Variants in OR6K6 observed in about 807,000 individuals in gnomAD.
The protein encoded by OR6K6 is olfactory receptor family 6 subfamily K member 6.
OR6K6 carries 9 observed loss-of-function variants against 8.1 expected under a neutral mutation model. The observed-to-expected ratio is 1.11, with a 90% confidence interval of 0.67 to 1.94. The LOEUF is 1.94. OR6K6 is among the 30% of genes most tolerant of loss of function. OR6K6 has a pLI of 0.00. For synonymous variants in OR6K6, 156 were observed against 140.3 expected, an observed-to-expected ratio of 1.11 and a Z score of -0.79; for missense variants, 400 against 383.1, an observed-to-expected ratio of 1.04 and a Z score of -0.37.
exon 1 of OR6K6, chr1:158,755,704 T>C (rs769923010): frequency 1.9e-6 from 3 of 1,614,094 alleles, no homozygotes; most frequent in African/African-American, 1.3e-5. Context: ...CTCAGTGTTT[T>C]GGGACACAGC....
At chr1:158,755,424 C>T (rs776420581) in exon 1 of OR6K6, 93 of 1,614,088 alleles carry the variant, frequency 5.8e-5, no homozygotes, top group Admixed American at 2.8e-4. Context: ...ACCAGATCCA[C>T]CAGATATTCT....
exon 1 of OR6K6, chr1:158,755,053 G>A (rs1265998303): frequency 1.2e-6 from 2 of 1,613,950 alleles, no homozygotes; most frequent in South Asian, 2.2e-5. Flanking sequence ...CATCCAGGTG[G>A]GCATGGCCCT....
chr1:158,755,328 G>A, exon 1 of OR6K6: 1 of 1,614,166 alleles, frequency 6.2e-7, no homozygotes, highest in Non-Finnish European at 8.5e-7. Flanking sequence ...TTTGTATCCA[G>A]CTGACAGTTG....
exon 1 of OR6K6, chr1:158,755,881 G>C: frequency 6.8e-7 from 1 of 1,461,134 alleles, no homozygotes; most frequent in Non-Finnish European, 9.3e-7. Context: ...AAGCCTCTTG[G>C]AAGAGCAAAA....
exon 1 of OR6K6, chr1:158,755,396 T>C (rs771191968): frequency 1.2e-6 from 2 of 1,614,224 alleles, no homozygotes; most frequent in Admixed American, 1.7e-5. Context: ...ATTTCCACCT[T>C]GCCTTTCTGT....
chr1:158,755,400 T>C (rs1472410573), exon 1 of OR6K6: 1 of 1,614,218 alleles, frequency 6.2e-7, no homozygotes, highest in South Asian at 1.1e-5. Context: ...CCACCTTGCC[T>C]TTCTGTGGCT....
chr1:158,754,968 T>C (rs768485310), exon 1 of OR6K6: 1 of 1,614,108 alleles, frequency 6.2e-7, no homozygotes, highest in Non-Finnish European at 8.5e-7. Context: ...CGCACAGAGG[T>C]GGCCTCTTAT....
At chr1:158,755,781 G>C in exon 1 of OR6K6, 1 of 1,613,966 alleles carries the variant, frequency 6.2e-7, no homozygotes. Context: ...TGAAAAACAA[G>C]GACATGAAAG....
At chr1:158,755,826 G>A (rs574941449) in exon 1 of OR6K6, 139 of 1,602,690 alleles carry the variant, frequency 8.7e-5, no homozygotes, top group Non-Finnish European at 1.1e-4. Context: ...ATCAGAAGAG[G>A]GCTGGTTGGG....
At chr1:158,754,731 G>T in exon 1 of OR6K6, 2 of 1,014,066 alleles carry the variant, frequency 2.0e-6, no homozygotes, top group South Asian at 1.6e-5. Context: ...AGATGATTTT[G>T]GCATGGAGGT....
chr1:158,755,813 A>G, exon 1 of OR6K6: 1 of 1,612,104 alleles, frequency 6.2e-7, no homozygotes, highest in Non-Finnish European at 8.5e-7. Context: ...AGGCTTTTCC[A>G]CTATCAGAAG....
At chr1:158,755,281 A>C (rs1247521604) in exon 1 of OR6K6, 1 of 1,614,066 alleles carries the variant, frequency 6.2e-7, no homozygotes, top group African/African-American at 1.3e-5. Flanking sequence ...AGCTATCTGC[A>C]ATCCACTCCG....
exon 1 of OR6K6, chr1:158,755,313 C>T (rs1411484002): frequency 6.8e-6 from 11 of 1,614,142 alleles, no homozygotes; most frequent in Non-Finnish European, 8.5e-6. Context: ...TCATGATTCC[C>T]AAACTTTGTA....
At chr1:158,755,315 A>C (rs761492592) in exon 1 of OR6K6, 1 of 1,614,044 alleles carries the variant, frequency 6.2e-7, no homozygotes, top group East Asian at 2.2e-5. Context: ...ATGATTCCCA[A>C]ACTTTGTATC....
exon 1 of OR6K6, chr1:158,754,841 A>T: frequency 6.2e-7 from 1 of 1,611,808 alleles, no homozygotes; most frequent in Non-Finnish European, 8.5e-7. Context: ...GTGGGTAATC[A>T]ACATTCCAAT....
At chr1:158,755,295 C>T in exon 1 of OR6K6, 2 of 1,614,126 alleles carry the variant, frequency 1.2e-6, no homozygotes, top group Non-Finnish European at 1.7e-6. Flanking sequence ...CACTCCGTTA[C>T]CCAACCATCA....
chr1:158,755,212 C>T (rs758945972), exon 1 of OR6K6: 2 of 1,614,056 alleles, frequency 1.2e-6, no homozygotes, highest in Non-Finnish European at 1.7e-6. Context: ...GTACTTTTTC[C>T]ACTCACTTGG....
rs746721988 is a variant in OR6K6, at chr1:158,755,699, TGTTTTGGGACACA to T, written c.814_826del (p.Phe272GlnfsTer20). The stretch of plus-strand genomic sequence containing the variant: ...TTGAGATTCTCAGCCACCTACTCAG[TGTTTTGGGACACA>T]GCAATTGCTGTCACTTTTGTTATCC... On this transcript the variant is annotated frameshift_variant, in exon 1 of 1. Coordinates refer to ENST00000641861, the Ensembl canonical transcript of OR6K6. LOFTEE classifies it low-confidence loss of function (END_TRUNC). 3 of 1,614,088 alleles carry T rather than the reference TGTTTTGGGACACA, an allele frequency of 1.9e-6. No individual in the cohort carries two copies. The highest frequency in any genetic ancestry group is 2.5e-6 in the Non-Finnish European group (3 of 1,180,036).
exon 1 of OR6K6, chr1:158,755,594 G>T: frequency 3.7e-6 from 6 of 1,614,132 alleles, no homozygotes; most frequent in African/African-American, 1.3e-5. Context: ...TCAGCTGAAG[G>T]TCATCACAAG....
Sources: allele counts gnomAD v4.1 joint callset, GRCh38; gene constraint gnomAD v4.1.1; transcripts MANE v1.5; gene names NCBI Gene and HGNC (gene_info 2026-07-23, HGNC 2026-07-21).